ATP6V1D: variants seen among roughly 807,000 people sequenced by gnomAD.
ATP6V1D encodes the protein V-type proton ATPase subunit D.
ATP6V1D carries 20 observed loss-of-function variants against 39.4 expected under a neutral mutation model. The observed-to-expected ratio is 0.51, with a 90% CI of 0.36 to 0.74. The LOEUF is 0.74. Among genes scored for constraint, ATP6V1D ranks in the 30% least tolerant of loss-of-function variants. The probability of loss-of-function intolerance (pLI) is 0.00; values close to 1 mark genes in which losing one functional copy is unlikely to be tolerated. For missense variants in ATP6V1D, 228 were observed against 291.6 expected, an observed-to-expected ratio of 0.78 and a Z score of 1.59; for synonymous variants, 100 against 100.5, an observed-to-expected ratio of 0.99 and a Z score of 0.03.
intron 2 of ATP6V1D, among the ~76,000 whole-genome samples, chr14:67,352,496 A>T (rs1341733963): frequency 6.6e-6 from 1 of 152,128 alleles, no homozygotes; most frequent in African/African-American, 2.4e-5. Flanking sequence ...GCTACAATAA[A>T]ATTAAAATAA....
intron 1 of ATP6V1D, among the ~76,000 whole-genome samples, chr14:67,354,319 T>C (rs1261456387): frequency 6.6e-6 from 1 of 151,996 alleles, no homozygotes; most frequent in Non-Finnish European, 1.5e-5. Context: ...TTTAAATACT[T>C]ATTTGATTTG....
chr14:67,340,272 G>T, intron 8 of ATP6V1D, 168 bp downstream of exon 8: 1 of 594,518 alleles, frequency 1.7e-6, no homozygotes, highest in Non-Finnish European at 2.9e-6. Context: ...AAATTTGACA[G>T]ATTTGTTTCC....
At chr14:67,348,614 C>T (rs749781515) in intron 4 of ATP6V1D, among the ~76,000 whole-genome samples, 7 of 151,648 alleles carry the variant, frequency 4.6e-5, no homozygotes, top group African/African-American at 7.3e-5. Flanking sequence ...CTCCGCTTCC[C>T]GGGTTCAAGC....
At chr14:67,352,077 G>C (rs2085658088) in intron 2 of ATP6V1D, among the ~76,000 whole-genome samples, 1 of 151,860 alleles carries the variant, frequency 6.6e-6, no homozygotes, top group Admixed American at 6.6e-5. Context: ...TTGAGCCCAG[G>C]TGGTTGAGAC....
At chr14:67,357,871 A>G (rs2141116658) in intron 1 of ATP6V1D, among the ~76,000 whole-genome samples, 1 of 152,314 alleles carries the variant, frequency 6.6e-6, no homozygotes, top group African/African-American at 2.4e-5. Context: ...ACAGACTGGG[A>G]GACAAAGCCC....
chr14:67,345,810 A>G lies in ATP6V1D; in HGVS notation c.414T>C (p.Tyr138=), dbSNP rs1218317038. 1.2e-6 allele frequency: 2 copies of G among 1,614,158 alleles called. No homozygotes were observed. Among genetic ancestry groups the G allele is most frequent in the East Asian group, 2.2e-5 (1 of 44,872 alleles). ...CCACCAGTAGTTCCACTGCTTTGGC[A>G]TAATTCCTCTTTAATTTAGCCAACT... ...GEQLAKLKRN[Y]AKAVELLVEL... The change falls in exon 6 of 9, where the codon TAT becomes TAC. Residue 138 remains tyrosine (Y), a synonymous_variant. Coordinates refer to ENST00000216442, the MANE Select transcript of ATP6V1D (RefSeq NM_015994.4).
At chr14:67,341,300 G>T (rs2085580091) in intron 7 of ATP6V1D, among the ~76,000 whole-genome samples, 1 of 152,110 alleles carries the variant, frequency 6.6e-6, no homozygotes, top group East Asian at 1.9e-4. Context: ...CTTCTGGGAG[G>T]TGAGGAGCGT....
At chr14:67,347,517 C>T (rs73284844) in intron 4 of ATP6V1D, 64 bp from the exon 5 acceptor site, 89,824 of 679,170 alleles carry the variant, frequency 0.13, 10,083 homozygotes, top group East Asian at 0.47. Flanking sequence ...TTTTTTTTTT[C>T]TGAGACGGAG....
At chr14:67,351,517 T>C (rs1480961430) in intron 2 of ATP6V1D, among the ~76,000 whole-genome samples, 1 of 152,180 alleles carries the variant, frequency 6.6e-6, no homozygotes, top group African/African-American at 2.4e-5. Context: ...TTTTATTATT[T>C]TTATTTTTTG....
At chr14:67,359,250 T>G (rs959107447) in intron 1 of ATP6V1D, among the ~76,000 whole-genome samples, 1 of 152,166 alleles carries the variant, frequency 6.6e-6, no homozygotes, top group Non-Finnish European at 1.5e-5. Context: ...CTCAGAGCAT[T>G]TATTAAAACC....
rs568526185 is a variant in ATP6V1D, at chr14:67,352,754, G to C, written c.159+169C>G. On this transcript the variant is annotated intron_variant, in intron 2 of 8. Coordinates refer to ENST00000216442, the MANE Select transcript of ATP6V1D (RefSeq NM_015994.4). ...TTTGCAGGCAAGATTAAAGAGTTTGGATTTTATTAAATGAACTATTTGATA... is the reference window on the plus strand; with the variant it reads ...TTTGCAGGCAAGATTAAAGAGTTTGCATTTTATTAAATGAACTATTTGATA... The C allele has an allele frequency of 2.9e-5, 16 of 554,720 alleles. No individual in the cohort carries two copies. The South Asian group carries it at 3.8e-4, about 13-fold the overall frequency. The allele number at this position is 554,720 out of a possible 1,614,324, so 34.4% of individuals were successfully genotyped here. A position where few individuals can be genotyped will look rare whatever the true frequency, so the allele number is the denominator to read the frequency against.
In ATP6V1D at chr14:67,345,880, A is replaced by C. The variant is rs1233353711; in HGVS notation, c.353-9T>G. 8 of 1,568,930 alleles carry C rather than the reference A, an allele frequency of 5.1e-6. No homozygotes were observed. The East Asian group carries it at 1.6e-4, about 31-fold the overall frequency. The stretch of plus-strand genomic sequence containing the variant: ...ACCAGTCAGTTCATAACCTGAAAGG[A>C]CCAGTCAGACAACATTTTTAATTAG... On this transcript the variant is annotated splice_polypyrimidine_tract_variant and intron_variant, in intron 5 of 8. Transcript: ENST00000216442.
intron 6 of ATP6V1D, 49 bp downstream of exon 6, chr14:67,345,719 A>G: frequency 2.3e-6 from 3 of 1,300,022 alleles, no homozygotes; most frequent in Non-Finnish European, 3.3e-6. Flanking sequence ...CCTCCACTTG[A>G]CTGTTACAAA....
intron 6 of ATP6V1D, 24 bp from the exon 7 acceptor site, chr14:67,343,462 T>G (rs1291328805): frequency 6.6e-7 from 1 of 1,505,000 alleles, no homozygotes; most frequent in Non-Finnish European, 9.2e-7. Flanking sequence ...AAATTAATAA[T>G]GTAAGCACAA....
chr14:67,352,121 CAAAAAATA>C (rs1257506524), intron 2 of ATP6V1D, among the ~76,000 whole-genome samples: 6 of 151,336 alleles, frequency 4.0e-5, no homozygotes, highest in Non-Finnish European at 7.4e-5. Flanking sequence ...CCCATCTCCA[CAAAAAATA>C]AAAAAATAAA....
At position 67,345,768 on chromosome 14, in the gene ATP6V1D, C is replaced by G. The variant is rs745407370; in HGVS notation, c.456G>C (p.Gln152His). 13 of 1,609,106 alleles carry G rather than the reference C, an allele frequency of 8.1e-6. No individual in the cohort carries two copies. Among genetic ancestry groups the G allele is most frequent in the Non-Finnish European group, 1.0e-5 (12 of 1,175,702 alleles). ...VELLVELASLQTSFVTLDEAI... is the reference protein window; with the variant it reads ...VELLVELASLHTSFVTLDEAI... ...GTTCTCCAGGTCTTTTGCTACTTACCTGCAGAGAAGCTAGTTCCACCAGTA... is the reference window on the plus strand; with the variant it reads ...GTTCTCCAGGTCTTTTGCTACTTACGTGCAGAGAAGCTAGTTCCACCAGTA... Residue 152 changes from glutamine (Q) to histidine (H), a missense_variant and splice_region_variant, in exon 6 of 9, where the codon CAG (glutamine) becomes CAC (histidine). Transcript: ENST00000216442.
intron 2 of ATP6V1D, 88 bp from the exon 3 acceptor site, chr14:67,350,778 G>A (rs1458941591): frequency 2.4e-6 from 3 of 1,238,032 alleles, no homozygotes; most frequent in African/African-American, 3.0e-5. Flanking sequence ...ATAACCATCA[G>A]TATTTTATGC....
At chr14:67,351,013 T>C (rs1179394788) in intron 2 of ATP6V1D, among the ~76,000 whole-genome samples, 1 of 152,192 alleles carries the variant, frequency 6.6e-6, no homozygotes, top group Non-Finnish European at 1.5e-5. Context: ...TCACTGCAGT[T>C]GCAGTCAAAA....
At chr14:67,350,808 T>C (rs2085650435) in intron 2 of ATP6V1D, 118 bp from the exon 3 acceptor site, 1 of 974,098 alleles carries the variant, frequency 1.0e-6, no homozygotes. Context: ...ATGTAAATAT[T>C]GGTTTGATAA....
Sources: gnomAD v4.1 joint callset for allele counts (sites outside exome capture counted in the v4.1 genomes callset) on GRCh38, gnomAD v4.1.1 for gene constraint, MANE v1.5 for transcripts, NCBI Gene and HGNC (gene_info 2026-07-23, HGNC 2026-07-21) for gene names.